VOPP1: variants seen among roughly 807,000 people sequenced by gnomAD.
VOPP1 encodes the protein VOPP1 WW domain binding protein, also known as WW domain binding protein VOPP1.
Under a neutral mutation model 23.5 loss-of-function variants are expected in VOPP1, and 8 were observed. That is an observed-to-expected ratio of 0.34 (90% CI 0.20 to 0.61). The LOEUF is 0.61. Ranked by LOEUF, VOPP1 falls within the 20% of genes least tolerant of loss-of-function variation. The pLI is 0.78. For synonymous variants in VOPP1, 83 were observed against 97.3 expected (o/e 0.85, Z 0.86); for missense variants, 174 against 238.1 (o/e 0.73, Z 1.77).
chr7:55,522,622 C>T lies in VOPP1; in HGVS notation c.55-1492G>A, dbSNP rs373370123. The stretch of plus-strand genomic sequence containing the variant: ...TCCATCACCGCCACCGACAGCCAAA[C>T]ATTCCTGGAACCTGACACTTAAGTT... On this transcript the variant is annotated intron_variant, in intron 1 of 4. Transcript: ENST00000285279. Among the ~76,000 whole-genome samples the T allele has an allele frequency of 3.7e-3, 562 of 152,316 alleles. 3 individuals carry two copies. The highest frequency in any genetic ancestry group is 5.0e-3 in the Non-Finnish European group (337 of 68,024).
At chr7:55,467,420 T>C (rs1791660546), downstream of VOPP1, among the ~76,000 whole-genome samples, 1 of 152,356 alleles carries the variant, frequency 6.6e-6, no homozygotes, top group Non-Finnish European at 1.5e-5. Context: ...CTCTGCTCTC[T>C]GTACCTGCCG....
At chr7:55,452,270 G>T (rs764974288) in intron 4 of VOPP1, among the ~76,000 whole-genome samples, 5 of 152,166 alleles carry the variant, frequency 3.3e-5, no homozygotes, top group Non-Finnish European at 7.3e-5. Context: ...TAGCAATTCA[G>T]TCACAACTTC....
intron 1 of VOPP1, among the ~76,000 whole-genome samples, chr7:55,538,225 A>C (rs1796921550): frequency 6.6e-6 from 1 of 152,246 alleles, no homozygotes; most frequent in African/African-American, 2.4e-5. Flanking sequence ...AACCACTCTG[A>C]GTAGCGATTT....
At chr7:55,445,274 C>G (rs202240435) in intron 4 of VOPP1, among the ~76,000 whole-genome samples, 9 of 146,146 alleles carry the variant, frequency 6.2e-5, no homozygotes, top group African/African-American at 1.0e-4. Flanking sequence ...GACATACACA[C>G]ACAGACACAC....
chr7:55,435,994 G>A (rs537140939), downstream of VOPP1: 3 of 152,458 alleles, frequency 2.0e-5, no homozygotes, highest in African/African-American at 7.2e-5. Context: ...AAGGACCCCG[G>A]AGTGTTCCTC....
chr7:55,530,977 G>C lies in VOPP1; in HGVS notation c.55-9847C>G, dbSNP rs1289267411. ...GAGAAAGGAAAGGAGCAAAGTCAAG[G>C]AGCCCAAAGCCCACCAGGGTGCAAA... is the stretch of plus-strand genomic sequence containing the variant. On this transcript the variant is annotated intron_variant, in intron 1 of 4. Coordinates refer to ENST00000285279, the MANE Select transcript of VOPP1 (RefSeq NM_030796.5). 4 of 152,130 alleles carry C rather than the reference G, an allele frequency of 2.6e-5. No homozygotes were observed. In the East Asian group the frequency reaches 7.7e-4, roughly 29 times the overall value. 9.4% of individuals were successfully genotyped at this position (152,130 alleles called of 1,614,324 possible).
chr7:55,442,652 CA>C (rs11302671), intron 4 of VOPP1, among the ~76,000 whole-genome samples: 56,775 of 139,296 alleles, frequency 0.41, 11,341 homozygotes, highest in African/African-American at 0.51. Context: ...TGAAGTAGAC[CA>C]AAAAAAAAAA....
intron 1 of VOPP1, among the ~76,000 whole-genome samples, chr7:55,565,830 T>C (rs1298199715): frequency 6.6e-6 from 1 of 152,100 alleles, no homozygotes; most frequent in Non-Finnish European, 1.5e-5. Flanking sequence ...ATGCTGCCAG[T>C]CAGACCACAC....
chr7:55,482,347 A>ATT (rs11292753), intron 4 of VOPP1, among the ~76,000 whole-genome samples: 1,575 of 127,780 alleles, frequency 0.012, 10 homozygotes, highest in Admixed American at 0.018. Context: ...GAAGGGAGGT[A>ATT]TTTTTTTTTT....
chr7:55,567,984 T>C lies in VOPP1; in HGVS notation c.54+4287A>G, dbSNP rs549658799. On this transcript the variant is annotated intron_variant, in intron 1 of 4. Coordinates refer to ENST00000285279, the MANE Select transcript of VOPP1 (RefSeq NM_030796.5). ...ATTTCCAGACTCCCAGGCATCAAAA[T>C]ACACAGAACTTCAGAAAAATACTCA... Among the ~76,000 whole-genome samples, 7 of 152,006 alleles carry C rather than the reference T, an allele frequency of 4.6e-5. 1 individual carries two copies. Among genetic ancestry groups the C allele is most frequent in the African/African-American group, 1.7e-4 (7 of 41,476 alleles).
At chr7:55,490,840 T>C (rs960078115) in intron 4 of VOPP1, among the ~76,000 whole-genome samples, 1 of 152,150 alleles carries the variant, frequency 6.6e-6, no homozygotes, top group African/African-American at 2.4e-5. Context: ...CTGTGGAAAA[T>C]ATATATTTTT....
chr7:55,536,902 A>G (rs1414891637), intron 1 of VOPP1, among the ~76,000 whole-genome samples: 1 of 152,186 alleles, frequency 6.6e-6, no homozygotes, highest in Non-Finnish European at 1.5e-5. Context: ...TGCAAGAGAC[A>G]GTGAACAGAA....
At chr7:55,455,848 C>T (rs1791352515) in intron 4 of VOPP1, among the ~76,000 whole-genome samples, 1 of 152,166 alleles carries the variant, frequency 6.6e-6, no homozygotes, top group Non-Finnish European at 1.5e-5. Context: ...ACCATAAAAA[C>T]CCTAGAAGAA....
intron 2 of VOPP1, chr7:55,515,984 G>C: frequency 1.0e-6 from 1 of 985,510 alleles, no homozygotes; most frequent in Non-Finnish European, 1.2e-6. Context: ...GGTGGCCCCT[G>C]TTTCAGGCCG....
At chr7:55,454,750 C>A (rs930021208) in intron 4 of VOPP1, among the ~76,000 whole-genome samples, 4 of 152,074 alleles carry the variant, frequency 2.6e-5, no homozygotes, top group South Asian at 2.1e-4. Context: ...AATTCAATAG[C>A]CCTTCATGAT....
chr7:55,501,584 A>C (rs538640689), intron 2 of VOPP1, among the ~76,000 whole-genome samples: 1 of 152,334 alleles, frequency 6.6e-6, no homozygotes, highest in East Asian at 1.9e-4. Flanking sequence ...CAATGGCTTT[A>C]GTCAAATGGC....
intron 1 of VOPP1, among the ~76,000 whole-genome samples, chr7:55,542,406 C>T (rs1169575257): frequency 2.0e-5 from 3 of 152,186 alleles, no homozygotes; most frequent in Non-Finnish European, 4.4e-5. Flanking sequence ...CCTCTCCATC[C>T]CCGTCTCCCC....
At chr7:55,516,314 G>A (rs1353481183) in intron 2 of VOPP1, among the ~76,000 whole-genome samples, 1 of 152,164 alleles carries the variant, frequency 6.6e-6, no homozygotes, top group East Asian at 1.9e-4. Flanking sequence ...TCAAAAATAA[G>A]AATATCTTGT....
At chr7:55,504,400 C>A (rs963293786) in intron 2 of VOPP1, among the ~76,000 whole-genome samples, 8 of 152,296 alleles carry the variant, frequency 5.3e-5, no homozygotes, top group African/African-American at 1.9e-4. Flanking sequence ...AAACACAGAA[C>A]CCTATAAAGT....
Sources: gnomAD v4.1 joint callset for allele counts (sites outside exome capture counted in the v4.1 genomes callset) on GRCh38, gnomAD v4.1.1 for gene constraint, MANE v1.5 for transcripts, NCBI Gene and HGNC (gene_info 2026-07-23, HGNC 2026-07-21) for gene names.